Variants in CPNE8 observed in about 807,000 individuals in gnomAD.
The protein encoded by CPNE8 is copine 8, also known as copine-8.
In CPNE8, 45 loss-of-function variants were observed where a neutral mutation model predicts 81.5. That is an observed-to-expected ratio of 0.55 (90% confidence interval 0.44 to 0.71). CPNE8 has a LOEUF of 0.71. Among genes scored for constraint, CPNE8 ranks in the 30% least tolerant of loss-of-function variants. CPNE8 has a pLI of 0.00. For missense variants in CPNE8, 594 were observed against 672.1 expected (o/e 0.88, Z 1.28); for synonymous variants, 252 against 226.3 (o/e 1.11, Z -1.02).
chr12:38,765,190 A>C (rs1175083983), intron 8 of CPNE8, among the ~76,000 whole-genome samples: 1 of 152,206 alleles, frequency 6.6e-6, no homozygotes, highest in Non-Finnish European at 1.5e-5. Flanking sequence ...TAAGAATTCC[A>C]GTGCTGGTGT....
At chr12:38,680,973 A>G (rs1939397588) in intron 16 of CPNE8, among the ~76,000 whole-genome samples, 1 of 151,982 alleles carries the variant, frequency 6.6e-6, no homozygotes, top group African/African-American at 2.4e-5. Context: ...CCCCCTTAAA[A>G]TTGAAATGTG....
intron 16 of CPNE8, among the ~76,000 whole-genome samples, chr12:38,680,162 T>G (rs9645814): frequency 0.77 from 116,947 of 151,836 alleles, 49,806 homozygotes; most frequent in Middle Eastern, 0.97. Context: ...TTCTTTGAAA[T>G]AAGTTTCTGG....
chr12:38,753,465 G>A (rs767194950), intron 10 of CPNE8, among the ~76,000 whole-genome samples: 7 of 152,044 alleles, frequency 4.6e-5, no homozygotes, highest in Non-Finnish European at 1.0e-4. Context: ...CAAATAAAAA[G>A]AAAGCAAGCA....
At chr12:38,704,828 A>ATATATATG (rs1555145199) in intron 13 of CPNE8, among the ~76,000 whole-genome samples, 1 of 45,472 alleles carries the variant, frequency 2.2e-5, no homozygotes, top group African/African-American at 5.0e-5. Flanking sequence ...ATGTATGTGT[A>ATATATATG]TATATATATA....
chr12:38,723,018 TAA>T (rs1940604650), intron 13 of CPNE8, among the ~76,000 whole-genome samples: 1 of 152,170 alleles, frequency 6.6e-6, no homozygotes, highest in Non-Finnish European at 1.5e-5. Flanking sequence ...GCCATGATTA[TAA>T]GTCTCCTAAG....
intron 5 of CPNE8, among the ~76,000 whole-genome samples, chr12:38,835,555 A>T (rs182407748): frequency 1.4e-4 from 22 of 152,322 alleles, no homozygotes; most frequent in Non-Finnish European, 2.9e-4. Flanking sequence ...CCCCAGCATG[A>T]CAAGTGCCTG....
At chr12:38,746,092 T>C (rs1941222160) in intron 10 of CPNE8, among the ~76,000 whole-genome samples, 2 of 152,202 alleles carry the variant, frequency 1.3e-5, no homozygotes, top group Admixed American at 1.3e-4. Flanking sequence ...ACAATTTCAA[T>C]ATATTTTCTC....
chr12:38,662,171 G>C (rs1938973718), intron 19 of CPNE8, among the ~76,000 whole-genome samples: 1 of 152,134 alleles, frequency 6.6e-6, no homozygotes, highest in South Asian at 2.1e-4. Flanking sequence ...TTAGGCAACA[G>C]AAAGAAATGA....
At chr12:38,905,643 A>C, upstream of CPNE8, 1 of 1,503,446 alleles carries the variant, frequency 6.7e-7, no homozygotes, top group Non-Finnish European at 8.9e-7. Context: ...GAGGCAGAAG[A>C]AGGAGGCGGA....
intron 4 of CPNE8, among the ~76,000 whole-genome samples, chr12:38,842,569 CTTT>C (rs769891980): frequency 1.8e-5 from 2 of 110,828 alleles, no homozygotes; most frequent in Admixed American, 1.1e-4. Context: ...AACATTTTTC[CTTT>C]TTTTTTTTTT....
chr12:38,716,298 C>T (rs1294964861), intron 13 of CPNE8, among the ~76,000 whole-genome samples: 3 of 151,886 alleles, frequency 2.0e-5, no homozygotes, highest in Admixed American at 2.0e-4. Context: ...TAAACACTAT[C>T]CTAAAAATCA....
intron 4 of CPNE8, among the ~76,000 whole-genome samples, chr12:38,846,560 C>T (rs879356223): frequency 4.6e-5 from 7 of 152,050 alleles, no homozygotes; most frequent in Admixed American, 2.6e-4. Flanking sequence ...CAGCAACTGG[C>T]CTTGTGGAAA....
chr12:38,655,852 T>A (rs1265977954), intron 19 of CPNE8, among the ~76,000 whole-genome samples: 1 of 152,060 alleles, frequency 6.6e-6, no homozygotes, highest in Non-Finnish European at 1.5e-5. Context: ...AAATTTTACC[T>A]TATTTGTCTT....
At chr12:38,805,602 GTATACA>G (rs1288141670) in intron 6 of CPNE8, among the ~76,000 whole-genome samples, 2 of 100,512 alleles carry the variant, frequency 2.0e-5, no homozygotes, top group Non-Finnish European at 4.0e-5. Flanking sequence ...CATGGCACAT[GTATACA>G]TATGTAACTA....
intron 6 of CPNE8, among the ~76,000 whole-genome samples, chr12:38,789,746 T>C (rs1942279515): frequency 6.6e-6 from 1 of 151,552 alleles, no homozygotes; most frequent in African/African-American, 2.4e-5. Context: ...ATCAACTCTG[T>C]AGGAAAAAAA....
chr12:38,831,874 G>A (rs143194887), intron 5 of CPNE8, among the ~76,000 whole-genome samples: 18 of 152,276 alleles, frequency 1.2e-4, no homozygotes, highest in Admixed American at 4.6e-4. Context: ...ATGCTTATGC[G>A]CACCTGCAAA....
chr12:38,824,711 C>A (rs977491352), intron 6 of CPNE8, among the ~76,000 whole-genome samples: 5 of 152,048 alleles, frequency 3.3e-5, no homozygotes, highest in Non-Finnish European at 7.4e-5. Flanking sequence ...ACATTTGGGA[C>A]ACAAGAAGAC....
At chr12:38,713,226 T>G (rs914162770) in intron 13 of CPNE8, among the ~76,000 whole-genome samples, 5 of 152,178 alleles carry the variant, frequency 3.3e-5, no homozygotes, top group African/African-American at 1.2e-4. Flanking sequence ...AAACATTTAT[T>G]CCTTATTGAA....
chr12:38,666,724 T>C (rs1425251723), intron 19 of CPNE8, among the ~76,000 whole-genome samples: 1 of 152,154 alleles, frequency 6.6e-6, no homozygotes, highest in Non-Finnish European at 1.5e-5. Flanking sequence ...TGAAGTCAGG[T>C]CACGGAGAAT....
Sources: gnomAD v4.1 joint callset for allele counts (sites outside exome capture counted in the v4.1 genomes callset) on GRCh38, gnomAD v4.1.1 for gene constraint, MANE v1.5 for transcripts, NCBI Gene and HGNC (gene_info 2026-07-23, HGNC 2026-07-21) for gene names.